PTPMT1: variants seen among roughly 807,000 people sequenced by gnomAD.
PTPMT1 encodes the protein protein tyrosine phosphatase mitochondrial 1.
In PTPMT1, 12 loss-of-function variants were observed where a neutral mutation model predicts 17.8. The ratio of observed to expected loss-of-function variants is 0.67; its 90% CI spans 0.43 to 1.09. The LOEUF (loss-of-function observed/expected upper bound fraction) is 1.09, where lower values mean the gene tolerates loss of function less well. PTPMT1 is among the 50% of genes least tolerant of loss of function. The pLI, the probability that PTPMT1 is intolerant of heterozygous loss-of-function variation, is 0.00. For missense variants in PTPMT1, 262 were observed against 266.0 expected (o/e 0.99, Z 0.10); for synonymous variants, 132 against 116.8 (o/e 1.13, Z -0.84).
intron 2 of PTPMT1, among the ~76,000 whole-genome samples, chr11:47,569,176 A>G (rs912629339): frequency 3.2e-4 from 49 of 151,640 alleles, no homozygotes; most frequent in Non-Finnish European, 1.0e-4. Flanking sequence ...ACCTGAGGTC[A>G]GGAGTTCGAG....
rs769759692 is a variant in PTPMT1 at position 47,569,899 on chromosome 11, A to G, written c.447+8A>G. ...GCAGCATACCTGATTCAGGTACCAA[A>G]GTTCTTTCTGGGCTGGGCATCGTGG... On this transcript the variant is annotated splice_region_variant and intron_variant, in intron 3 of 3. Transcript: ENST00000326674. 1.9e-6 allele frequency: 3 copies of G among 1,608,550 alleles called. No individual in the cohort carries two copies. Among genetic ancestry groups the G allele is most frequent in the African/African-American group, 1.3e-5 (1 of 74,734 alleles).
chr11:47,565,787 G>T lies in PTPMT1; in HGVS notation c.165G>T (p.Leu55Phe), dbSNP rs1598774018. 1.3e-6 allele frequency: 2 copies of T among 1,591,576 alleles called. No individual in the cohort carries two copies. Among genetic ancestry groups the T allele is most frequent in the Non-Finnish European group, 1.7e-6 (2 of 1,170,182 alleles). ...VLLGALPLRS[L>F]TRQLVQDENV... ...TGGGCGCGCTGCCGTTGCGGAGCTT[G>T]ACGCGCCAGGTGAGCCGGGCCGGGG... is the stretch of plus-strand genomic sequence containing the variant. Residue 55 changes from leucine (L) to phenylalanine (F), a missense_variant, in exon 1 of 4, where the codon TTG (leucine) becomes TTT (phenylalanine). Physicochemically the swap from Leu to Phe is conservative, Grantham distance 22 (BLOSUM62 0). Coordinates refer to ENST00000326674, the MANE Select transcript of PTPMT1 (RefSeq NM_175732.3).
At chr11:47,566,578 A>T (rs2097244836) in intron 2 of PTPMT1, among the ~76,000 whole-genome samples, 1 of 152,080 alleles carries the variant, frequency 6.6e-6, no homozygotes, top group African/African-American at 2.4e-5. Flanking sequence ...GGTAACCAAA[A>T]TCAGAAACTA....
At chr11:47,568,109 A>G (rs1026385836) in intron 2 of PTPMT1, among the ~76,000 whole-genome samples, 1 of 151,336 alleles carries the variant, frequency 6.6e-6, no homozygotes, top group African/African-American at 2.4e-5. Flanking sequence ...TTTAGTAGAG[A>G]CGGGGTTTCA....
intron 2 of PTPMT1, among the ~76,000 whole-genome samples, chr11:47,569,458 G>C (rs2097248277): frequency 6.6e-6 from 1 of 151,236 alleles, no homozygotes. Flanking sequence ...CATAGCTGTT[G>C]CTTGATGAAA....
At chr11:47,571,009 T>A (rs1313282383) in intron 3 of PTPMT1, among the ~76,000 whole-genome samples, 1 of 152,190 alleles carries the variant, frequency 6.6e-6, no homozygotes, top group Non-Finnish European at 1.5e-5. Context: ...AACCAATGAG[T>A]ATCCTTAGGA....
chr11:47,565,647 G>A lies in PTPMT1; in HGVS notation c.25G>A (p.Ala9Thr). The A allele has an allele frequency of 7.4e-7, 1 of 1,356,996 alleles. No individual in the cohort carries two copies. The highest frequency in any genetic ancestry group is 9.5e-7 in the Non-Finnish European group (1 of 1,055,914). The allele number at this position is 1,356,996 out of a possible 1,614,324, so 84.1% of individuals were successfully genotyped here. A position where few individuals can be genotyped will look rare whatever the true frequency, so the allele number is the denominator to read the frequency against. The change falls in exon 1 of 4, where the codon GCC becomes ACC. Residue 9 changes from alanine (A) to threonine (T), a missense_variant. Transcript: ENST00000326674. Reference sequence around the variant, plus strand: ...GATGGCGGCCACCGCGCTGCTGGAGGCCGGCCTGGCGCGGGTGCTCTTCTA... The same window carrying A: ...GATGGCGGCCACCGCGCTGCTGGAGACCGGCCTGGCGCGGGTGCTCTTCTA... MAATALLEAGLARVLFYPT... is the reference protein window; with the variant it reads MAATALLETGLARVLFYPT...
At position 47,573,263 on chromosome 11, in the gene PTPMT1, G is replaced by A; in HGVS notation, c.*1634G>A. On this transcript the variant is annotated 3_prime_UTR_variant, in exon 4 of 4. Transcript: ENST00000326674. This position sits in a 1 kb window ranked among gnomAD's most constrained non-coding sequence, Gnocchi z 4.1. ...GCACATAGGGCTTCACATGGCATTTGTCTGTCTCTGTGTCAAAGCACTGGA... is the reference window on the plus strand; with the variant it reads ...GCACATAGGGCTTCACATGGCATTTATCTGTCTCTGTGTCAAAGCACTGGA... The A allele has an allele frequency of 1.2e-6, 2 of 1,614,156 alleles. No individual in the cohort carries two copies. The highest frequency in any genetic ancestry group is 1.1e-5 in the South Asian group (1 of 91,080).
chr11:47,569,879 A>G lies in PTPMT1; in HGVS notation c.435A>G (p.Ala145=). Residue 145 remains alanine, a synonymous_variant, in exon 3 of 4, where the codon GCA becomes GCG. Coordinates refer to ENST00000326674, the MANE Select transcript of PTPMT1 (RefSeq NM_175732.3). The part of the protein sequence containing the change: ...GRSRSATMVA[A]YLIQVHKWSP... ...CCAGGAGTGCCACTATGGTGGCAGC[A>G]TACCTGATTCAGGTACCAAAGTTCT... The G allele has an allele frequency of 6.2e-7, 1 of 1,612,190 alleles. No individual in the cohort carries two copies. Among genetic ancestry groups the G allele is most frequent in the Non-Finnish European group, 8.5e-7 (1 of 1,179,274 alleles).
At position 47,565,737 on chromosome 11, in the gene PTPMT1, C is replaced by A. The variant is rs1300870885; in HGVS notation, c.115C>A (p.His39Asn). ...VPGRAHRDWY[H>N]RIDPTVLLGA... ...GGGTCGGGCGCACCGGGACTGGTACCACCGCATCGACCCCACCGTGCTGCT... is the reference window on the plus strand; with the variant it reads ...GGGTCGGGCGCACCGGGACTGGTACAACCGCATCGACCCCACCGTGCTGCT... The change falls in exon 1 of 4, where the codon CAC becomes AAC. Residue 39 changes from histidine to asparagine, a missense_variant. Transcript: ENST00000326674. 4.4e-6 allele frequency: 7 copies of A among 1,591,636 alleles called. No homozygotes were observed. The African/African-American group carries it at 8.1e-5, about 18-fold the overall frequency.
Position 47,565,919 on chromosome 11 carries a change from A to G in PTPMT1, c.188A>G (p.Glu63Gly), listed in dbSNP as rs770334751. ...TTGCCTCGGCAGCTGGTACAGGACGAGAACGTGCGCGGGGTGATCACCATG... is the reference window on the plus strand; with the variant it reads ...TTGCCTCGGCAGCTGGTACAGGACGGGAACGTGCGCGGGGTGATCACCATG... ...RSLTRQLVQD[E>G]NVRGVITMNE... Residue 63 changes from glutamate to glycine, a missense_variant, in exon 2 of 4, where the codon GAG becomes GGG. By Grantham distance (98) the Glu-to-Gly change is moderately conservative. Transcript: ENST00000326674. 6.2e-7 allele frequency: 1 copy of G among 1,611,806 alleles called. No homozygotes were observed. The highest frequency in any genetic ancestry group is 8.5e-7 in the Non-Finnish European group (1 of 1,179,252).
At position 47,573,257 on chromosome 11, in the gene PTPMT1, G is replaced by A; in HGVS notation, c.*1628G>A. ...AGGGCAGCACATAGGGCTTCACATG[G>A]CATTTGTCTGTCTCTGTGTCAAAGC... On this transcript the variant is annotated 3_prime_UTR_variant, in exon 4 of 4. Transcript: ENST00000326674. This position sits in a 1 kb window ranked among gnomAD's most constrained non-coding sequence, Gnocchi z 4.1. The A allele has an allele frequency of 6.2e-7, 1 of 1,614,130 alleles. No individual in the cohort carries two copies. Among genetic ancestry groups the A allele is most frequent in the Non-Finnish European group, 8.5e-7 (1 of 1,180,016 alleles).
intron 2 of PTPMT1, among the ~76,000 whole-genome samples, chr11:47,569,430 A>ATAATTC (rs1473915834): frequency 6.6e-6 from 1 of 151,720 alleles, no homozygotes; most frequent in Non-Finnish European, 1.5e-5. Flanking sequence ...AATCTTGGAC[A>ATAATTC]TAATTCTAAC....
chr11:47,566,079 C>A (rs913765758), intron 2 of PTPMT1, 93 bp downstream of exon 2: 1 of 1,358,874 alleles, frequency 7.4e-7, no homozygotes, highest in Non-Finnish European at 9.8e-7. Flanking sequence ...TGGGGGAGGT[C>A]ACCATGCACC....
chr11:47,569,980 C>A, intron 3 of PTPMT1, 89 bp downstream of exon 3: 1 of 1,111,112 alleles, frequency 9.0e-7, no homozygotes, highest in Non-Finnish European at 1.3e-6. Flanking sequence ...ATGGCTTGAG[C>A]CCAGGAGTTT....
Position 47,571,789 on chromosome 11 carries a change from A to G in PTPMT1, c.*160A>G, listed in dbSNP as rs376212698. 1.2e-4 allele frequency: 82 copies of G among 665,930 alleles called. 2 individuals carry two copies. The highest frequency in any genetic ancestry group is 9.6e-4 in the South Asian group (51 of 53,122). The allele number at this position is 665,930 out of a possible 1,614,324, so 41.3% of individuals were successfully genotyped here. A position where few individuals can be genotyped will look rare whatever the true frequency, so the allele number is the denominator to read the frequency against. ...CTCTGACTTGTTTTGTTTTCTTGAA[A>G]TAACACTGTTGTGTGGCTAGAAAGG... On this transcript the variant is annotated 3_prime_UTR_variant, in exon 4 of 4. Transcript: ENST00000326674.
chr11:47,572,001 T>C lies in PTPMT1; in HGVS notation c.*372T>C, dbSNP rs528954683. 14 of 168,284 alleles carry C rather than the reference T, an allele frequency of 8.3e-5. No individual in the cohort carries two copies. The South Asian group carries it at 1.9e-3, about 22-fold the overall frequency. The allele number at this position is 168,284 out of a possible 1,614,324, so 10.4% of individuals were successfully genotyped here. A position where few individuals can be genotyped will look rare whatever the true frequency, so the allele number is the denominator to read the frequency against. On this transcript the variant is annotated 3_prime_UTR_variant, in exon 4 of 4. Coordinates refer to ENST00000326674, the MANE Select transcript of PTPMT1 (RefSeq NM_175732.3). The stretch of plus-strand genomic sequence containing the variant: ...TGAAAAAAGGAGACTCACCTCTGGC[T>C]CTTTGCCACTGTCAGAATCTGAATC...
intron 3 of PTPMT1, 82 bp downstream of exon 3, chr11:47,569,973 G>T: frequency 8.5e-7 from 1 of 1,177,192 alleles, no homozygotes; most frequent in Non-Finnish European, 1.2e-6. Context: ...TGGGAGGATG[G>T]CTTGAGCCCA....
intron 3 of PTPMT1, among the ~76,000 whole-genome samples, chr11:47,570,576 A>C (rs1246130033): frequency 6.6e-6 from 1 of 152,230 alleles, no homozygotes; most frequent in Non-Finnish European, 1.5e-5. Context: ...ACAATATCAT[A>C]GATAATAGTG....
Sources: gnomAD v4.1 joint callset for allele counts (sites outside exome capture counted in the v4.1 genomes callset) on GRCh38, gnomAD v4.1.1 for gene constraint, Gnocchi (gnomAD v3.1) non-coding constraint, MANE v1.5 for transcripts, NCBI Gene and HGNC (gene_info 2026-07-23, HGNC 2026-07-21) for gene names.